Variants in BCCIP observed in about 807,000 individuals in gnomAD.
BCCIP encodes BRCA2 and CDKN1A-interacting protein.
BCCIP carries 23 observed loss-of-function variants against 32.8 expected under a neutral mutation model. The observed-to-expected ratio is 0.70, with a 90% CI of 0.51 to 0.99. The LOEUF is 0.99. Among genes scored for constraint, BCCIP ranks in the 50% least tolerant of loss-of-function variants. The pLI is 0.00. For synonymous variants in BCCIP, 144 were observed against 137.6 expected (o/e 1.05, Z -0.33); for missense variants, 378 against 379.8 (o/e 1.00, Z 0.04).
chr10:125,827,471 T>A, intron 2 of BCCIP, 87 bp from the exon 3 acceptor site: 1 of 918,962 alleles, frequency 1.1e-6, no homozygotes, highest in Non-Finnish European at 1.6e-6. Flanking sequence ...TCACAGAAAT[T>A]TCATTGTTTG....
At chr10:125,839,138 T>G, downstream of BCCIP, 1 of 1,614,276 alleles carries the variant, frequency 6.2e-7, no homozygotes, top group South Asian at 1.1e-5. Context: ...TCTGCCATTC[T>G]GAGTGCTGAA....
intron 7 of BCCIP, chr10:125,853,036 G>A (rs1056986771): frequency 2.2e-6 from 2 of 930,100 alleles, no homozygotes; most frequent in African/African-American, 3.4e-5. Context: ...GATCTTGGTG[G>A]TCTCACCTTT....
In BCCIP at chr10:125,827,646, G is replaced by A. The variant is rs17153600; in HGVS notation, c.321+8G>A. The A allele has an allele frequency of 8.4e-3, 13,271 of 1,580,354 alleles. 78 individuals carry two copies. The highest frequency in any genetic ancestry group is 0.01 in the Non-Finnish European group (11,796 of 1,149,710). ...ATTGGGAGTGTGATTAAGGTAAGTAGGATAATTGTGTTTATTCTGATTAAA... is the reference window on the plus strand; with the variant it reads ...ATTGGGAGTGTGATTAAGGTAAGTAAGATAATTGTGTTTATTCTGATTAAA... On this transcript the variant is annotated splice_region_variant and intron_variant, in intron 3 of 6. Coordinates refer to ENST00000278100, the MANE Select transcript of BCCIP (RefSeq NM_078468.3).
At chr10:125,840,558 C>G (rs551363044), downstream of BCCIP, among the ~76,000 whole-genome samples, 2 of 152,210 alleles carry the variant, frequency 1.3e-5, no homozygotes, top group Non-Finnish European at 2.9e-5. Flanking sequence ...TCTGTGTCCC[C>G]CGTCACCATG....
In BCCIP at chr10:125,836,259, ATATC is replaced by A. The variant is rs1442403652; in HGVS notation, c.936_939del (p.Val314AsnfsTer24). 3.7e-6 allele frequency: 6 copies of A among 1,614,130 alleles called. No homozygotes were observed. The highest frequency in any genetic ancestry group is 1.3e-5 in the African/African-American group (1 of 74,952). On this transcript the variant is annotated frameshift_variant, in exon 7 of 7. Coordinates refer to ENST00000278100, the MANE Select transcript of BCCIP (RefSeq NM_078468.3). LOFTEE classifies it high-confidence loss of function. ...ACGAAATCATGGATAAACTGAAAGA[ATATC>A]TATCTGTCTAACCCATTTCCAATGG...
At position 125,823,552 on chromosome 10, in the gene BCCIP, G is replaced by T; in HGVS notation, c.-6G>T. 6.2e-7 allele frequency: 1 copy of T among 1,613,238 alleles called. No homozygotes were observed. The highest frequency in any genetic ancestry group is 1.1e-5 in the South Asian group (1 of 91,012). Reference sequence around the variant, plus strand: ...GAAGCTGCGCAGGCGCAGTGTGAGCGGCAACATGGCGTCCAGGTCTAAGCG... The same window carrying T: ...GAAGCTGCGCAGGCGCAGTGTGAGCTGCAACATGGCGTCCAGGTCTAAGCG... On this transcript the variant is annotated 5_prime_UTR_variant, in exon 1 of 7. Transcript: ENST00000278100.
intron 3 of BCCIP, among the ~76,000 whole-genome samples, chr10:125,829,479 T>C (rs1854475284): frequency 6.6e-6 from 1 of 152,208 alleles, no homozygotes; most frequent in Admixed American, 6.5e-5. Context: ...TCTTAAGTCA[T>C]GGTTTCTACT....
Position 125,833,873 on chromosome 10 carries a change from CCAAAAAGAAACCTAGCAA to C in BCCIP, c.712_729del (p.Pro238_Lys243del). ...TTTGTGGAAGCAGGAAAAAACAATT[CCAAAAAGAAACCTAGCAA>C]CAAAAAGAAAGCTGCGTTAATGTTT... On this transcript the variant is annotated inframe_deletion, in exon 6 of 7. Coordinates refer to ENST00000278100, the MANE Select transcript of BCCIP (RefSeq NM_078468.3). 6.2e-7 allele frequency: 1 copy of C among 1,614,118 alleles called. No individual in the cohort carries two copies. The highest frequency in any genetic ancestry group is 8.5e-7 in the Non-Finnish European group (1 of 1,180,012).
At chr10:125,851,201 G>A (rs879860080) in intron 7 of BCCIP, among the ~76,000 whole-genome samples, 3 of 152,164 alleles carry the variant, frequency 2.0e-5, no homozygotes, top group Non-Finnish European at 2.9e-5. Flanking sequence ...CAGCAGCTGC[G>A]AGCATCTTTT....
downstream of BCCIP, among the ~76,000 whole-genome samples, chr10:125,844,051 G>A (rs1844021553): frequency 6.6e-6 from 1 of 152,154 alleles, no homozygotes; most frequent in Non-Finnish European, 1.5e-5. Flanking sequence ...CAGCATTACC[G>A]TCTTACTTGT....
chr10:125,831,770 T>C, intron 5 of BCCIP, 163 bp downstream of exon 5: 1 of 534,170 alleles, frequency 1.9e-6, no homozygotes, highest in Non-Finnish European at 3.1e-6. Context: ...AGTACATACA[T>C]TATTAACAAC....
At chr10:125,826,718 G>A in intron 2 of BCCIP, 53 bp downstream of exon 2, 1 of 1,600,480 alleles carries the variant, frequency 6.2e-7, no homozygotes, top group Non-Finnish European at 8.5e-7. Context: ...AAAAATCAGG[G>A]GCCGGGTGCA....
chr10:125,852,069 G>A (rs1944097832), intron 7 of BCCIP, among the ~76,000 whole-genome samples: 1 of 152,168 alleles, frequency 6.6e-6, no homozygotes, highest in African/African-American at 2.4e-5. Flanking sequence ...TCCAACAGCA[G>A]ACACATTTCT....
downstream of BCCIP, chr10:125,841,111 T>C (rs1854865680): frequency 7.3e-7 from 1 of 1,365,056 alleles, no homozygotes; most frequent in Admixed American, 2.2e-5. Context: ...CTTGGTACTC[T>C]GAATAAATAT....
intron 2 of BCCIP, 97 bp from the exon 3 acceptor site, chr10:125,827,461 T>A: frequency 1.2e-6 from 1 of 817,752 alleles, no homozygotes; most frequent in Non-Finnish European, 1.9e-6. Context: ...TCATCTTAAG[T>A]CACAGAAATT....
At chr10:125,828,393 A>C (rs1854451363) in intron 3 of BCCIP, among the ~76,000 whole-genome samples, 1 of 152,146 alleles carries the variant, frequency 6.6e-6, no homozygotes, top group African/African-American at 2.4e-5. Context: ...GAGGTCGTAG[A>C]AGTGATTGAG....
At chr10:125,840,727 A>G, downstream of BCCIP, 1 of 1,158,840 alleles carries the variant, frequency 8.6e-7, no homozygotes, top group Non-Finnish European at 1.2e-6. Flanking sequence ...CTCAAGTGCC[A>G]TTGCATTCAA....
At chr10:125,827,920 T>C (rs1052593533) in intron 3 of BCCIP, among the ~76,000 whole-genome samples, 1 of 150,704 alleles carries the variant, frequency 6.6e-6, no homozygotes, top group African/African-American at 2.5e-5. Flanking sequence ...ATGGTGAGCT[T>C]TGTGCCGCTG....
At chr10:125,836,565 A>G, downstream of BCCIP, 1 of 1,370,248 alleles carries the variant, frequency 7.3e-7, no homozygotes, top group Non-Finnish European at 9.7e-7. Flanking sequence ...ACACAGTGTT[A>G]TTTTCTTCAA....
Sources: allele counts gnomAD v4.1 joint callset (sites outside exome capture counted in the v4.1 genomes callset), GRCh38; gene constraint gnomAD v4.1.1; transcripts MANE v1.5; gene names NCBI Gene and HGNC (gene_info 2026-07-23, HGNC 2026-07-21).